The following PATJ variants were observed in gnomAD, a reference collection of about 807,000 sequenced individuals.
The protein encoded by PATJ is PATJ crumbs cell polarity complex component.
In PATJ, 190 loss-of-function variants were observed where a neutral mutation model predicts 224.9. The observed-to-expected ratio is 0.84, with a 90% CI of 0.75 to 0.95. The LOEUF is 0.95. Ranked by LOEUF, PATJ falls within the 40% of genes least tolerant of loss-of-function variation. The pLI is 0.00. For missense variants in PATJ, 2,121 were observed against 2,270.3 expected (o/e 0.93, Z 1.34); for synonymous variants, 769 against 820.3 (o/e 0.94, Z 1.07).
In PATJ at chr1:62,161,412, C is replaced by T. The variant is rs1669834691; in HGVS notation, c.*358C>T. 6.3e-6 allele frequency: 1 copy of T among 158,088 alleles called. No homozygotes were observed. The highest frequency in any genetic ancestry group is 2.2e-4 in the South Asian group (1 of 4,504). The allele number at this position is 158,088 out of a possible 1,614,324, so 9.8% of individuals were successfully genotyped here. ...GGAGTGCAATGGCGCAATCTTGGCT[C>T]ACTGCAACCTCGGCCTCCCAGGTTG... is the stretch of plus-strand genomic sequence containing the variant. On this transcript the variant is annotated 3_prime_UTR_variant, in exon 44 of 44. Transcript: ENST00000642238.
chr1:61,972,866 A>G (rs1296636393), intron 27 of PATJ, among the ~76,000 whole-genome samples: 1 of 151,666 alleles, frequency 6.6e-6, no homozygotes, highest in Non-Finnish European at 1.5e-5. Context: ...TGACTTCACC[A>G]TGTACCTATT....
intron 26 of PATJ, among the ~76,000 whole-genome samples, chr1:61,916,734 G>A (rs139307122): frequency 5.3e-5 from 8 of 152,290 alleles, no homozygotes; most frequent in Non-Finnish European, 7.4e-5. Context: ...ATGGGAGACC[G>A]GAATTGTATT....
intron 27 of PATJ, among the ~76,000 whole-genome samples, chr1:61,950,748 A>G (rs1173185326): frequency 3.3e-5 from 5 of 152,188 alleles, no homozygotes; most frequent in African/African-American, 1.2e-4. Context: ...GCAATGCAAA[A>G]TAGGATGGAA....
intron 29 of PATJ, among the ~76,000 whole-genome samples, chr1:62,025,813 A>G (rs1446610902): frequency 6.6e-6 from 1 of 152,164 alleles, no homozygotes; most frequent in African/African-American, 2.4e-5. Flanking sequence ...ACAGAGAGAG[A>G]CCCTGTCTCA....
chr1:62,151,316 C>T (rs2481673), intron 42 of PATJ, among the ~76,000 whole-genome samples: 100,396 of 151,512 alleles, frequency 0.66, 33,486 homozygotes, highest in East Asian at 0.75. Flanking sequence ...ATTGGCCAGG[C>T]GGTGGCTCAC....
At chr1:61,965,334 G>A (rs1181402996) in intron 27 of PATJ, among the ~76,000 whole-genome samples, 1 of 151,782 alleles carries the variant, frequency 6.6e-6, no homozygotes, top group African/African-American at 2.4e-5. Context: ...AGCCTGTACT[G>A]TGCCTAAAAC....
At chr1:62,107,634 T>A (rs1663260362) in intron 33 of PATJ, among the ~76,000 whole-genome samples, 1 of 152,168 alleles carries the variant, frequency 6.6e-6, no homozygotes, top group Admixed American at 6.5e-5. Flanking sequence ...GGACTGAGTC[T>A]GGGTGGGAAG....
At position 62,097,475 on chromosome 1, in the gene PATJ, C is replaced by T. The variant is rs1426609846; in HGVS notation, c.4378-10962C>T. On this transcript the variant is annotated intron_variant, in intron 33 of 43. Coordinates refer to ENST00000642238, the MANE Select transcript of PATJ (RefSeq NM_001350145.3). ...TCTTGCTCTCCTGAAACACTGCTAC[C>T]CTGTGAAGAAGTCTGGACTGGCCTC... 3.9e-5 allele frequency among the ~76,000 whole-genome samples: 6 copies of T among 152,220 alleles called. No individual in the cohort carries two copies. The East Asian group carries it at 9.7e-4, about 24-fold the overall frequency.
rs1186626770 is a variant in PATJ at position 61,809,149 on chromosome 1, GT to G, written c.1683+627del. ...AAGGTGCCAGAAGACAACTTCGACA[GT>G]TTTTTTTCCAACATTTTTTAGCATC... On this transcript the variant is annotated intron_variant, in intron 14 of 43. Coordinates refer to ENST00000642238, the MANE Select transcript of PATJ (RefSeq NM_001350145.3). Among the ~76,000 whole-genome samples the G allele has an allele frequency of 3.3e-5, 5 of 152,038 alleles. No individual in the cohort carries two copies. The South Asian group carries it at 6.2e-4, about 19-fold the overall frequency.
chr1:62,123,699 G>A (rs528089168), intron 39 of PATJ, among the ~76,000 whole-genome samples: 5 of 147,564 alleles, frequency 3.4e-5, no homozygotes, highest in African/African-American at 1.3e-4. Flanking sequence ...GGATGGTCTC[G>A]ATCTCCTGAC....
At chr1:61,932,061 C>A (rs1267227492) in intron 27 of PATJ, among the ~76,000 whole-genome samples, 1 of 152,114 alleles carries the variant, frequency 6.6e-6, no homozygotes, top group Non-Finnish European at 1.5e-5. Context: ...TCGCAACCTG[C>A]ATTATGAAAA....
chr1:61,992,114 A>ACTCTTTTTTTTTTTTTTTTTTTTTT (rs1370780986), intron 28 of PATJ, among the ~76,000 whole-genome samples: 1 of 131,834 alleles, frequency 7.6e-6, no homozygotes, highest in African/African-American at 3.0e-5. Flanking sequence ...TCCCTGTGGG[A>ACTCTTTTTTTTTTTTTTTTTTTTTT]TTCTTTTTTT....
chr1:62,049,243 TCACACACACACA>T (rs60099928), intron 30 of PATJ, among the ~76,000 whole-genome samples: 8 of 137,276 alleles, frequency 5.8e-5, no homozygotes, highest in African/African-American at 8.3e-5. Flanking sequence ...AAGTAAGCAA[TCACACACACACA>T]CACACACACA....
In PATJ at chr1:62,013,775, C is replaced by T. The variant is rs374084551; in HGVS notation, c.3868-4081C>T. Among the ~76,000 whole-genome samples the T allele has an allele frequency of 8.5e-5, 13 of 152,150 alleles. No individual in the cohort carries two copies. The South Asian group carries it at 1.5e-3, about 17-fold the overall frequency. On this transcript the variant is annotated intron_variant, in intron 28 of 43. Transcript: ENST00000642238. ...GGCCTTGAATCAGGCTCATTCCAAA[C>T]GTCATTTGTTTTTTTTGAGACAGAG...
chr1:62,107,677 G>A (rs1663266574), intron 33 of PATJ, among the ~76,000 whole-genome samples: 1 of 151,964 alleles, frequency 6.6e-6, no homozygotes, highest in African/African-American at 2.4e-5. Context: ...ACAACCTGTG[G>A]TAGTATTACT....
chr1:62,015,065 C>T (rs1409596155), intron 28 of PATJ, among the ~76,000 whole-genome samples: 1 of 151,876 alleles, frequency 6.6e-6, no homozygotes, highest in African/African-American at 2.4e-5. Flanking sequence ...TTTGGGAGTC[C>T]GAGGAGGGCG....
intron 41 of PATJ, 111 bp from the exon 42 acceptor site, chr1:62,148,173 C>G: frequency 1.4e-5 from 7 of 502,818 alleles, no homozygotes; most frequent in South Asian, 2.0e-5. Context: ...GTCAAATGGT[C>G]TAGATAAATT....
chr1:61,868,315 C>G (rs75829989), intron 20 of PATJ, among the ~76,000 whole-genome samples: 2,638 of 152,322 alleles, frequency 0.017, 91 homozygotes, highest in African/African-American at 0.061. Flanking sequence ...TCTCCTCTCT[C>G]TCTATCCCCT....
chr1:62,048,039 T>C (rs1247444362), intron 30 of PATJ, among the ~76,000 whole-genome samples: 1 of 152,214 alleles, frequency 6.6e-6, no homozygotes, highest in Non-Finnish European at 1.5e-5. Flanking sequence ...GCATGGCCCT[T>C]TCCCAGCTTT....
Sources: allele counts gnomAD v4.1 joint callset (sites outside exome capture counted in the v4.1 genomes callset), GRCh38; gene constraint gnomAD v4.1.1; transcripts MANE v1.5; gene names NCBI Gene and HGNC (gene_info 2026-07-23, HGNC 2026-07-21).